The following GPHN variants were observed in gnomAD, a reference collection of about 807,000 sequenced individuals.
GPHN encodes the protein gephyrin.
Under a neutral mutation model 95.5 loss-of-function variants are expected in GPHN, and 17 were observed. That is an observed-to-expected ratio of 0.18 (90% CI 0.12 to 0.27). GPHN has a LOEUF of 0.27. Among genes scored for constraint, GPHN ranks in the 10% least tolerant of loss-of-function variants. The pLI, the probability that GPHN is intolerant of heterozygous loss-of-function variation, is 1.00. For synonymous variants in GPHN, 320 were observed against 322.5 expected, an observed-to-expected ratio of 0.99 and a Z score of 0.08; for missense variants, 660 against 978.1, an observed-to-expected ratio of 0.67 and a Z score of 4.34.
At chr14:67,028,267 A>G (rs2074024449) in intron 10 of GPHN, among the ~76,000 whole-genome samples, 1 of 152,156 alleles carries the variant, frequency 6.6e-6, no homozygotes, top group South Asian at 2.1e-4. Flanking sequence ...CCAGTTATTT[A>G]TTGATGGACA....
intron 8 of GPHN, among the ~76,000 whole-genome samples, chr14:66,957,205 T>G (rs1243249706): frequency 1.5e-5 from 2 of 134,916 alleles, no homozygotes; most frequent in Non-Finnish European, 3.2e-5. Context: ...TTTTTTTTTT[T>G]TTTTTTTTGA....
At position 66,692,138 on chromosome 14, in the gene GPHN, T is replaced by C. The variant is rs897169704; in HGVS notation, c.143+10953T>C. 3.9e-5 allele frequency among the ~76,000 whole-genome samples: 6 copies of C among 152,334 alleles called. No individual in the cohort carries two copies. The East Asian group carries it at 5.8e-4, about 15-fold the overall frequency. On this transcript the variant is annotated intron_variant, in intron 2 of 22. Coordinates refer to ENST00000478722, the MANE Select transcript of GPHN (RefSeq NM_020806.5). ...GTTAAGGATTACTAATATATATAGT[T>C]AACTCCCAAATAAAGAGGTTTGAAT...
the GPHN span, among the ~76,000 whole-genome samples, chr14:67,237,395 T>C: frequency 6.6e-6 from 1 of 152,094 alleles, no homozygotes; most frequent in South Asian, 2.1e-4. Context: ...CATAATTTGA[T>C]ATATAATAGG....
chr14:67,217,777 C>A, the GPHN span, among the ~76,000 whole-genome samples: 1 of 151,854 alleles, frequency 6.6e-6, no homozygotes, highest in Non-Finnish European at 1.5e-5. Flanking sequence ...ATTTTAAATT[C>A]TTTTTCTGAC....
chr14:66,928,249 A>G (rs572108047), intron 8 of GPHN, among the ~76,000 whole-genome samples: 2 of 152,214 alleles, frequency 1.3e-5, no homozygotes, highest in African/African-American at 4.8e-5. Context: ...TCATGGTTCA[A>G]TCTTGGTAGG....
chr14:67,198,092 T>C, the GPHN span: 1 of 1,539,632 alleles, frequency 6.5e-7, no homozygotes, highest in Non-Finnish European at 8.7e-7. Context: ...AATTATGATA[T>C]TAAATTCTCT....
the GPHN span, among the ~76,000 whole-genome samples, chr14:67,444,964 T>C: frequency 2.0e-5 from 3 of 152,164 alleles, no homozygotes; most frequent in Non-Finnish European, 4.4e-5. Flanking sequence ...TTCCACCATG[T>C]TGGCCAAGTT....
At chr14:67,678,118 G>A in the GPHN span, 1 of 508,752 alleles carries the variant, frequency 2.0e-6, no homozygotes, top group East Asian at 3.4e-5. Flanking sequence ...GGCAGTAACA[G>A]AAGCAAAGTA....
intron 18 of GPHN, among the ~76,000 whole-genome samples, chr14:67,144,910 G>A (rs1033212343): frequency 6.6e-6 from 1 of 152,208 alleles, no homozygotes; most frequent in African/African-American, 2.4e-5. Flanking sequence ...GTGTTGTAGT[G>A]TGTGTAGGTG....
chr14:67,442,653 G>A, the GPHN span, among the ~76,000 whole-genome samples: 1 of 152,180 alleles, frequency 6.6e-6, no homozygotes, highest in African/African-American at 2.4e-5. Flanking sequence ...CATACATGAC[G>A]TGTCAGATAC....
intron 1 of GPHN, among the ~76,000 whole-genome samples, chr14:66,578,447 A>G (rs955465744): frequency 1.3e-5 from 2 of 151,804 alleles, no homozygotes; most frequent in Admixed American, 1.3e-4. Flanking sequence ...ACAGATATAA[A>G]TGTCCACACA....
chr14:67,518,976 G>A, the GPHN span, among the ~76,000 whole-genome samples: 7 of 152,214 alleles, frequency 4.6e-5, no homozygotes, highest in Non-Finnish European at 7.3e-5. Context: ...AGCAGAAGAA[G>A]CATTGAAGTT....
At chr14:66,642,356 A>G (rs955857698) in intron 1 of GPHN, among the ~76,000 whole-genome samples, 1 of 152,098 alleles carries the variant, frequency 6.6e-6, no homozygotes, top group Non-Finnish European at 1.5e-5. Context: ...GATTCTGTGC[A>G]CTATTATTGA....
rs149870386 is a variant in GPHN at position 66,989,959 on chromosome 14, G to C, written c.963+24634G>C. Among the ~76,000 whole-genome samples the C allele has an allele frequency of 3.2e-4, 48 of 152,256 alleles. No individual in the cohort carries two copies. In the Middle Eastern group the frequency reaches 0.01, roughly 32 times the overall value. On this transcript the variant is annotated intron_variant, in intron 9 of 22. Coordinates refer to ENST00000478722, the MANE Select transcript of GPHN (RefSeq NM_020806.5). The stretch of plus-strand genomic sequence containing the variant: ...TGTAGGTGTACACACACAAGAACAA[G>C]TGTATTAGTCCATTTCCACATTGCC...
At chr14:66,598,292 TG>T (rs1430350431) in intron 1 of GPHN, among the ~76,000 whole-genome samples, 1 of 152,084 alleles carries the variant, frequency 6.6e-6, no homozygotes, top group East Asian at 1.9e-4. Flanking sequence ...CCAGAAGAAA[TG>T]ATAAGTATGT....
chr14:66,752,727 C>G (rs988387188), intron 2 of GPHN, among the ~76,000 whole-genome samples: 1 of 151,938 alleles, frequency 6.6e-6, no homozygotes, highest in Non-Finnish European at 1.5e-5. Context: ...AGCACATGCA[C>G]TTGGAAAAAT....
At chr14:67,196,223 CTTTT>C in the GPHN span, among the ~76,000 whole-genome samples, 2 of 143,118 alleles carry the variant, frequency 1.4e-5, no homozygotes, top group Non-Finnish European at 3.1e-5. Context: ...TTCTTTCTTT[CTTTT>C]TTTTTTTTGA....
the GPHN span, chr14:67,725,221 T>G: frequency 8.1e-6 from 13 of 1,613,674 alleles, no homozygotes; most frequent in African/African-American, 1.3e-5. Flanking sequence ...CGACACCAAA[T>G]CTATCCGAGC....
the GPHN span, among the ~76,000 whole-genome samples, chr14:67,197,614 A>AC: frequency 5.9e-5 from 9 of 152,298 alleles, no homozygotes; most frequent in South Asian, 1.0e-3. Context: ...GGAGCGCGCA[A>AC]CCAAGAGCTA....
Sources: gnomAD v4.1 joint callset for allele counts (sites outside exome capture counted in the v4.1 genomes callset) on GRCh38, gnomAD v4.1.1 for gene constraint, MANE v1.5 for transcripts, NCBI Gene and HGNC (gene_info 2026-07-23, HGNC 2026-07-21) for gene names.